Variants in TLN2 observed in about 807,000 individuals in gnomAD.
TLN2 encodes talin-2.
In TLN2, 118 loss-of-function variants were observed where a neutral mutation model predicts 294.7. The ratio of observed to expected loss-of-function variants is 0.40; its 90% CI spans 0.34 to 0.47. TLN2 has a LOEUF of 0.47. Among genes scored for constraint, TLN2 ranks in the 20% least tolerant of loss-of-function variants. The probability of loss-of-function intolerance (pLI) is 0.84; values close to 1 mark genes in which losing one functional copy is unlikely to be tolerated. For synonymous variants in TLN2, 1,431 were observed against 1,304.5 expected (o/e 1.10, Z -2.09); for missense variants, 3,083 against 3,282.2 (o/e 0.94, Z 1.48).
intron 34 of TLN2, among the ~76,000 whole-genome samples, chr15:62,751,554 C>T (rs8031023): frequency 0.26 from 39,098 of 152,158 alleles, 5,286 homozygotes; most frequent in African/African-American, 0.33. Flanking sequence ...TAGTCTCTGC[C>T]TTGGGTTCTA....
At chr15:62,570,644 C>T (rs2043790938) in intron 1 of TLN2, among the ~76,000 whole-genome samples, 1 of 152,126 alleles carries the variant, frequency 6.6e-6, no homozygotes, top group Non-Finnish European at 1.5e-5. Flanking sequence ...AGCCTGTTGA[C>T]ATTTTGGGCC....
At chr15:62,556,308 C>G (rs1296932714) in intron 1 of TLN2, among the ~76,000 whole-genome samples, 7 of 146,096 alleles carry the variant, frequency 4.8e-5, no homozygotes, top group Admixed American at 1.4e-4. Context: ...CTCTTCTCTT[C>G]TCTTTTTTTC....
Position 62,708,748 on chromosome 15 carries a change from A to G in TLN2, c.2419A>G (p.Thr807Ala), listed in dbSNP as rs1195716224. 6.2e-7 allele frequency: 1 copy of G among 1,609,892 alleles called. No homozygotes were observed. Among genetic ancestry groups the G allele is most frequent in the African/African-American group, 1.3e-5 (1 of 74,930 alleles). Residue 807 changes from threonine (T) to alanine (A), a missense_variant, in exon 21 of 59, where the codon ACC becomes GCC. Physicochemically the swap from Thr to Ala is moderately conservative, Grantham distance 58. Transcript: ENST00000636159. ...PIGRYDQATDTIMCVTESIFS... is the reference protein window; with the variant it reads ...PIGRYDQATDAIMCVTESIFS... ...CGGCCGCTACGACCAGGCTACTGAC[A>G]CCATCATGTGTGTCACCGAGAGCAT...
intron 1 of TLN2, among the ~76,000 whole-genome samples, chr15:62,496,937 A>G (rs1242810959): frequency 6.6e-6 from 1 of 152,198 alleles, no homozygotes; most frequent in Non-Finnish European, 1.5e-5. Context: ...ACACAGGCAG[A>G]GCACAGGCCT....
chr15:62,835,957 G>A lies in TLN2; in HGVS notation c.7258G>A (p.Ala2420Thr), dbSNP rs775342858. 12 of 1,614,152 alleles carry A rather than the reference G, an allele frequency of 7.4e-6. No individual in the cohort carries two copies. The highest frequency in any genetic ancestry group is 4.0e-5 in the African/African-American group (3 of 75,058). ...EAANASVQGH[A>T]SEEKLISSAK... ...GGCCAATGCCTCCGTTCAGGGACAC[G>A]CCAGCGAGGAGAAGCTCATCTCATC... The change falls in exon 57 of 59, where the codon GCC becomes ACC. Residue 2420 changes from alanine (A) to threonine (T), a missense_variant. Transcript: ENST00000636159.
Position 62,809,955 on chromosome 15 carries a change from G to A in TLN2, c.6694G>A (p.Glu2232Lys), listed in dbSNP as rs1164299539. 11 of 1,613,994 alleles carry A rather than the reference G, an allele frequency of 6.8e-6. 1 individual carries two copies. The African/African-American group carries it at 8.0e-5, about 12-fold the overall frequency. ...ATCCTTCCACCCCGATGTCAGTGACGAGGTGAGAACCAGAGCCTTGCGTTT... is the reference window on the plus strand; with the variant it reads ...ATCCTTCCACCCCGATGTCAGTGACAAGGTGAGAACCAGAGCCTTGCGTTT... ...QASFHPDVSD[E>K]VRTRALRFGT... is the part of the protein sequence containing the mutation. The change falls in exon 52 of 59, where the codon GAG (glutamate) becomes AAG (lysine). Residue 2232 changes from glutamate (E) to lysine (K), a missense_variant. By Grantham distance (56) the Glu-to-Lys change is moderately conservative. Transcript: ENST00000636159.
intron 1 of TLN2, among the ~76,000 whole-genome samples, chr15:62,437,514 A>G (rs997874886): frequency 6.6e-6 from 1 of 151,886 alleles, no homozygotes; most frequent in African/African-American, 2.4e-5. Context: ...TGAAGATTAT[A>G]GGTGTGAGAC....
At chr15:62,658,182 AAC>A (rs2053432105) in intron 9 of TLN2, 1 of 106,038 alleles carries the variant, frequency 9.4e-6, no homozygotes. Context: ...TAAAAAAAAA[AAC>A]CAAAAAAAAA....
intron 1 of TLN2, among the ~76,000 whole-genome samples, chr15:62,555,721 A>G (rs2042565778): frequency 6.6e-6 from 1 of 152,166 alleles, no homozygotes. Flanking sequence ...TTTTCCCGGT[A>G]TAATGTGTCA....
At chr15:62,477,237 G>A (rs962670060) in intron 1 of TLN2, among the ~76,000 whole-genome samples, 1 of 152,206 alleles carries the variant, frequency 6.6e-6, no homozygotes, top group African/African-American at 2.4e-5. Flanking sequence ...CAGTAGGTCT[G>A]GGTGGGCCTG....
chr15:62,621,961 T>C (rs774306545), intron 3 of TLN2, among the ~76,000 whole-genome samples: 7 of 152,114 alleles, frequency 4.6e-5, no homozygotes, highest in African/African-American at 1.4e-4. Flanking sequence ...CTAGTGTAGA[T>C]GTCAGTTGTG....
chr15:62,642,677 T>A (rs1311565429), intron 3 of TLN2, among the ~76,000 whole-genome samples: 1 of 150,536 alleles, frequency 6.6e-6, no homozygotes, highest in Non-Finnish European at 1.5e-5. Context: ...TTTGTTGTTG[T>A]TTTTGTTTGT....
chr15:62,792,757 G>T lies in TLN2; in HGVS notation c.5853G>T (p.Leu1951=), dbSNP rs371640026. 6.2e-7 allele frequency: 1 copy of T among 1,614,046 alleles called. No homozygotes were observed. Among genetic ancestry groups the T allele is most frequent in the South Asian group, 1.1e-5 (1 of 91,062 alleles). ...CAGACAGCTACACCAAGAGGGAGCT[G>T]ATCGAATGCGCCCGTGCCGTCACGG... The part of the protein sequence containing the change: ...CPTDSYTKRE[L]IECARAVTEK... Residue 1951 remains leucine, a synonymous_variant, in exon 46 of 59, where the codon CTG becomes CTT. Transcript: ENST00000636159.
intron 1 of TLN2, among the ~76,000 whole-genome samples, chr15:62,529,507 GC>G (rs1373659537): frequency 6.7e-6 from 1 of 148,534 alleles, no homozygotes; most frequent in African/African-American, 2.5e-5. Flanking sequence ...TCCAATCCCT[GC>G]CCCTCCCTTG....
intron 1 of TLN2, among the ~76,000 whole-genome samples, chr15:62,542,905 T>C (rs1053477034): frequency 1.8e-4 from 28 of 152,132 alleles, no homozygotes; most frequent in Admixed American, 1.3e-4. Context: ...TGAAATTCAC[T>C]AAGACTAGAT....
chr15:62,513,323 C>G (rs561109375), intron 1 of TLN2, among the ~76,000 whole-genome samples: 11 of 152,318 alleles, frequency 7.2e-5, no homozygotes, highest in Admixed American at 7.2e-4. Context: ...AAAGCCAGCT[C>G]CAGTGATCCC....
At chr15:62,717,488 C>T (rs1217389066) in intron 23 of TLN2, 88 bp from the exon 24 acceptor site, 2 of 874,828 alleles carry the variant, frequency 2.3e-6, no homozygotes, top group East Asian at 3.2e-5. Flanking sequence ...AGCCACAAAC[C>T]TGTCCTGACT....
intron 1 of TLN2, among the ~76,000 whole-genome samples, chr15:62,588,784 A>C (rs553755295): frequency 1.4e-5 from 2 of 147,610 alleles, no homozygotes; most frequent in East Asian, 4.0e-4. Context: ...TGTAGCTAGT[A>C]ACAATTTTTT....
At chr15:62,756,895 C>CT (rs36112967) in intron 37 of TLN2, among the ~76,000 whole-genome samples, 44,866 of 150,918 alleles carry the variant, frequency 0.3, 6,762 homozygotes, top group East Asian at 0.55. Flanking sequence ...AACAAAGAGT[C>CT]TTTTTTTTTA....
Sources: gnomAD v4.1 joint callset for allele counts (sites outside exome capture counted in the v4.1 genomes callset) on GRCh38, gnomAD v4.1.1 for gene constraint, MANE v1.5 for transcripts, NCBI Gene and HGNC (gene_info 2026-07-23, HGNC 2026-07-21) for gene names.